PTPRD: variants seen among roughly 807,000 people sequenced by gnomAD.
The protein encoded by PTPRD is receptor-type tyrosine-protein phosphatase delta.
PTPRD carries 34 observed loss-of-function variants against 214.5 expected under a neutral mutation model. The observed-to-expected ratio is 0.16, with a 90% confidence interval of 0.12 to 0.21. The LOEUF (loss-of-function observed/expected upper bound fraction) is 0.21, where lower values mean the gene tolerates loss of function less well. PTPRD is among the 10% of genes least tolerant of loss of function. The pLI is 1.00. For missense variants in PTPRD, 2,545 were observed against 2,398.7 expected (o/e 1.06, Z -1.27); for synonymous variants, 1,128 against 845.7 (o/e 1.33, Z -5.79).
intron 26 of PTPRD, among the ~76,000 whole-genome samples, chr9:8,493,494 T>C (rs559968701): frequency 8.5e-5 from 13 of 152,352 alleles, no homozygotes; most frequent in Middle Eastern, 3.4e-3. Context: ...GATGCCAGCA[T>C]AGTCTGTTTT....
At chr9:9,903,648 C>T (rs143804928) in intron 5 of PTPRD, among the ~76,000 whole-genome samples, 13 of 152,120 alleles carry the variant, frequency 8.5e-5, no homozygotes, top group African/African-American at 3.1e-4. Context: ...TATAATTAAA[C>T]AAATCAATAT....
intron 12 of PTPRD, among the ~76,000 whole-genome samples, chr9:8,646,188 T>C (rs1015919496): frequency 1.3e-5 from 2 of 152,200 alleles, no homozygotes; most frequent in African/African-American, 4.8e-5. Flanking sequence ...GATTGAGAAT[T>C]ACTGAATGAT....
intron 4 of PTPRD, among the ~76,000 whole-genome samples, chr9:10,007,228 T>C (rs2096497511): frequency 6.6e-6 from 1 of 151,992 alleles, no homozygotes; most frequent in Admixed American, 6.6e-5. Context: ...GTCAAGCACA[T>C]CATTTTGCTT....
intron 2 of PTPRD, among the ~76,000 whole-genome samples, chr9:10,354,691 G>C (rs1026184461): frequency 6.6e-6 from 1 of 152,076 alleles, no homozygotes; most frequent in African/African-American, 2.4e-5. Flanking sequence ...GATTATATGA[G>C]GACACTGATG....
chr9:9,417,804 G>C (rs1467888201), intron 8 of PTPRD, among the ~76,000 whole-genome samples: 1 of 152,018 alleles, frequency 6.6e-6, no homozygotes, highest in Non-Finnish European at 1.5e-5. Flanking sequence ...TTAAGACTTT[G>C]TGTCAGGATT....
chr9:8,479,411 G>A (rs2096833808), intron 30 of PTPRD, among the ~76,000 whole-genome samples: 1 of 152,112 alleles, frequency 6.6e-6, no homozygotes, highest in African/African-American at 2.4e-5. Flanking sequence ...AACAAAAAAT[G>A]TCCAAAATAG....
chr9:8,484,452 A>C (rs2135803673), intron 29 of PTPRD, 74 bp from the exon 30 acceptor site: 1 of 1,466,460 alleles, frequency 6.8e-7, no homozygotes, highest in Non-Finnish European at 9.1e-7. Flanking sequence ...ACCAATGTGC[A>C]CTAGCTTTTG....
chr9:9,987,224 G>A (rs2095746734), intron 4 of PTPRD, among the ~76,000 whole-genome samples: 1 of 152,082 alleles, frequency 6.6e-6, no homozygotes, highest in African/African-American at 2.4e-5. Flanking sequence ...CTCCAACCCA[G>A]TTTTTACATA....
chr9:9,164,876 A>G (rs1265964109), intron 10 of PTPRD, among the ~76,000 whole-genome samples: 1 of 150,228 alleles, frequency 6.7e-6, no homozygotes, highest in Admixed American at 6.6e-5. Context: ...AAAACAAAAC[A>G]AAACAAAACA....
intron 11 of PTPRD, among the ~76,000 whole-genome samples, chr9:8,805,926 T>G (rs1006137091): frequency 3.2e-5 from 4 of 126,564 alleles, no homozygotes; most frequent in African/African-American, 1.2e-4. Flanking sequence ...ACCCGGGAGG[T>G]GGAGCTTGCA....
chr9:9,358,565 C>T (rs1016045838), intron 9 of PTPRD, among the ~76,000 whole-genome samples: 1 of 151,176 alleles, frequency 6.6e-6, no homozygotes, highest in Non-Finnish European at 1.5e-5. Context: ...AATTAAGTTG[C>T]AATCCTGAGT....
intron 19 of PTPRD, 51 bp downstream of exon 19, chr9:8,523,462 G>C (rs768121314): frequency 6.3e-7 from 1 of 1,586,218 alleles, no homozygotes; most frequent in Non-Finnish European, 8.6e-7. Context: ...CTTTGTTATT[G>C]GTTTAATTAA....
intron 5 of PTPRD, among the ~76,000 whole-genome samples, chr9:9,777,020 G>A (rs1173371471): frequency 1.3e-5 from 2 of 152,234 alleles, no homozygotes; most frequent in East Asian, 1.9e-4. Context: ...AGGACAGTCT[G>A]GGTACCACTG....
At chr9:8,665,929 T>C (rs1386842618) in intron 12 of PTPRD, among the ~76,000 whole-genome samples, 3 of 152,194 alleles carry the variant, frequency 2.0e-5, no homozygotes, top group Non-Finnish European at 1.5e-5. Context: ...AAAAAATGCA[T>C]GGGTATGTTT....
chr9:8,493,000 G>A (rs1192978852), intron 26 of PTPRD, 21 bp from the exon 27 acceptor site: 2 of 1,581,932 alleles, frequency 1.3e-6, no homozygotes, highest in Admixed American at 1.7e-5. Flanking sequence ...AAAATAGAAT[G>A]TCACTGATTC....
At chr9:9,202,882 G>A (rs1166112304) in intron 9 of PTPRD, among the ~76,000 whole-genome samples, 1 of 152,072 alleles carries the variant, frequency 6.6e-6, no homozygotes, top group African/African-American at 2.4e-5. Context: ...CCTCTTAAAT[G>A]TTGTTGTTTC....
chr9:8,879,334 T>C (rs1414599002), intron 11 of PTPRD, among the ~76,000 whole-genome samples: 1 of 152,218 alleles, frequency 6.6e-6, no homozygotes, highest in Non-Finnish European at 1.5e-5. Context: ...TAATGAGTAC[T>C]GACCATACAA....
intron 2 of PTPRD, among the ~76,000 whole-genome samples, chr9:10,384,240 T>G (rs939871628): frequency 1.3e-5 from 2 of 151,804 alleles, no homozygotes; most frequent in African/African-American, 4.8e-5. Flanking sequence ...TTTCACATGA[T>G]GTGAACAGTA....
At chr9:8,698,968 C>A (rs3817202) in intron 12 of PTPRD, among the ~76,000 whole-genome samples, 39,745 of 151,952 alleles carry the variant, frequency 0.26, 5,841 homozygotes, top group African/African-American at 0.39. Context: ...CACTCTCCAG[C>A]CACTGGGCAA....
Sources: allele counts gnomAD v4.1 joint callset (sites outside exome capture counted in the v4.1 genomes callset), GRCh38; gene constraint gnomAD v4.1.1; transcripts MANE v1.5; gene names NCBI Gene and HGNC (gene_info 2026-07-23, HGNC 2026-07-21).